Variants in ALCAM observed in about 807,000 individuals in gnomAD.
The protein encoded by ALCAM is activated leukocyte cell adhesion molecule.
A neutral mutation model predicts 70.9 loss-of-function variants in ALCAM; 30 were observed. The ratio of observed to expected loss-of-function variants is 0.42; its 90% CI spans 0.32 to 0.57. The LOEUF (loss-of-function observed/expected upper bound fraction) is 0.57, where lower values mean the gene tolerates loss of function less well. ALCAM is among the 20% of genes least tolerant of loss of function. The pLI, the probability that ALCAM is intolerant of heterozygous loss-of-function variation, is 0.11. For missense variants in ALCAM, 591 were observed against 695.1 expected, an observed-to-expected ratio of 0.85 and a Z score of 1.68; for synonymous variants, 249 against 242.5, an observed-to-expected ratio of 1.03 and a Z score of -0.25.
chr3:105,476,873 T>G (rs1938129779), intron 1 of ALCAM, among the ~76,000 whole-genome samples: 1 of 152,066 alleles, frequency 6.6e-6, no homozygotes, highest in South Asian at 2.1e-4. Context: ...CTCCCAGAAT[T>G]TCCATGTGTT....
chr3:105,510,646 T>A (rs1939212346), intron 1 of ALCAM, among the ~76,000 whole-genome samples: 1 of 152,066 alleles, frequency 6.6e-6, no homozygotes, highest in Non-Finnish European at 1.5e-5. Context: ...AGCAGGCACA[T>A]TCCCAGAAGA....
In ALCAM at chr3:105,367,363, C is replaced by G. The variant is rs763384972; in HGVS notation, c.-46C>G. On this transcript the variant is annotated 5_prime_UTR_variant, in exon 1 of 16. Transcript: ENST00000306107. Reference sequence around the variant, plus strand: ...GCGGGGCCCGGGACGACGCCCCCTCCTGCGGCGTGGACTCCGTCAGTGGCC... The same window carrying G: ...GCGGGGCCCGGGACGACGCCCCCTCGTGCGGCGTGGACTCCGTCAGTGGCC... The G allele has an allele frequency of 2.5e-6, 4 of 1,605,924 alleles. No homozygotes were observed. In the Admixed American group the frequency reaches 6.7e-5, roughly 27 times the overall value.
At chr3:105,502,854 T>TC in intron 1 of ALCAM, among the ~76,000 whole-genome samples, 1 of 152,324 alleles carries the variant, frequency 6.6e-6, no homozygotes, top group Admixed American at 6.5e-5. Context: ...TTACATGAGG[T>TC]CCTTGATCTA....
chr3:105,484,780 CAT>C (rs1455178684), intron 1 of ALCAM, among the ~76,000 whole-genome samples: 4 of 152,056 alleles, frequency 2.6e-5, no homozygotes. Flanking sequence ...TCAATGGAAA[CAT>C]GTGGAATAAA....
chr3:105,368,029 G>T (rs142251949), intron 1 of ALCAM, among the ~76,000 whole-genome samples: 2 of 151,628 alleles, frequency 1.3e-5, no homozygotes, highest in African/African-American at 4.9e-5. Flanking sequence ...GCTTAAAATC[G>T]TGGTTTCAAC....
intron 2 of ALCAM, among the ~76,000 whole-genome samples, chr3:105,522,707 T>G (rs1939575691): frequency 6.6e-6 from 1 of 152,206 alleles, no homozygotes; most frequent in Non-Finnish European, 1.5e-5. Flanking sequence ...AAATTTTTGC[T>G]CTGCTAAGAT....
chr3:105,462,976 A>G (rs1176400765), intron 1 of ALCAM, among the ~76,000 whole-genome samples: 3 of 151,452 alleles, frequency 2.0e-5, no homozygotes, highest in African/African-American at 7.3e-5. Flanking sequence ...TCCATATCAT[A>G]AGAAAAATAA....
chr3:105,415,838 A>G (rs368216343), intron 1 of ALCAM, among the ~76,000 whole-genome samples: 140 of 152,218 alleles, frequency 9.2e-4, no homozygotes, highest in African/African-American at 3.3e-3. Flanking sequence ...CTTTGCTGTC[A>G]TGCTATATGT....
chr3:105,555,947 A>G (rs1025946097), intron 14 of ALCAM, among the ~76,000 whole-genome samples: 33 of 151,854 alleles, frequency 2.2e-4, no homozygotes, highest in Admixed American at 1.3e-4. Context: ...ATTTTTTTCC[A>G]TGTATGTAGG....
chr3:105,504,582 C>G (rs1939015003), intron 1 of ALCAM, among the ~76,000 whole-genome samples: 1 of 152,182 alleles, frequency 6.6e-6, no homozygotes, highest in Non-Finnish European at 1.5e-5. Flanking sequence ...CACGGCCTGC[C>G]GGCCTGCTGG....
chr3:105,413,162 T>C (rs1936429299), intron 1 of ALCAM, among the ~76,000 whole-genome samples: 1 of 152,114 alleles, frequency 6.6e-6, no homozygotes, highest in Admixed American at 6.6e-5. Flanking sequence ...TTTCTTCGAC[T>C]GTAAAATGTG....
At chr3:105,416,497 A>G (rs1363515975) in intron 1 of ALCAM, among the ~76,000 whole-genome samples, 1 of 152,042 alleles carries the variant, frequency 6.6e-6, no homozygotes, top group Non-Finnish European at 1.5e-5. Context: ...TACATATAAT[A>G]TACTTAGCTC....
At chr3:105,497,581 T>C (rs773672667) in intron 1 of ALCAM, among the ~76,000 whole-genome samples, 1 of 152,144 alleles carries the variant, frequency 6.6e-6, no homozygotes, top group Non-Finnish European at 1.5e-5. Flanking sequence ...CCCATCATGG[T>C]TTTGTGGTGA....
At chr3:105,383,714 G>A (rs1368218766) in intron 1 of ALCAM, among the ~76,000 whole-genome samples, 1 of 151,660 alleles carries the variant, frequency 6.6e-6, no homozygotes, top group African/African-American at 2.4e-5. Context: ...TACTCTTCTT[G>A]AGTTTCCATA....
At chr3:105,448,280 A>G (rs1937342696) in intron 1 of ALCAM, among the ~76,000 whole-genome samples, 1 of 152,148 alleles carries the variant, frequency 6.6e-6, no homozygotes, top group Non-Finnish European at 1.5e-5. Context: ...CCTAAAGAAT[A>G]TCAGTCACTA....
At chr3:105,489,769 A>G (rs1361956784) in intron 1 of ALCAM, among the ~76,000 whole-genome samples, 1 of 152,226 alleles carries the variant, frequency 6.6e-6, no homozygotes, top group African/African-American at 2.4e-5. Flanking sequence ...TTTAGGCATA[A>G]TTCAATATAT....
chr3:105,390,570 G>A (rs1935791768), intron 1 of ALCAM, among the ~76,000 whole-genome samples: 1 of 151,924 alleles, frequency 6.6e-6, no homozygotes, highest in South Asian at 2.1e-4. Flanking sequence ...TCTGATAATA[G>A]TTTCTTTGCT....
chr3:105,373,456 T>C (rs1935293184), intron 1 of ALCAM, among the ~76,000 whole-genome samples: 1 of 152,168 alleles, frequency 6.6e-6, no homozygotes, highest in African/African-American at 2.4e-5. Flanking sequence ...TTGATATAAG[T>C]AGATTTTTAT....
At chr3:105,542,368 G>C (rs2152629529) in intron 8 of ALCAM, among the ~76,000 whole-genome samples, 1 of 151,766 alleles carries the variant, frequency 6.6e-6, no homozygotes, top group Non-Finnish European at 1.5e-5. Context: ...AATTATATTT[G>C]CCTCGGTGTA....
Sources: allele counts gnomAD v4.1 joint callset (sites outside exome capture counted in the v4.1 genomes callset), GRCh38; gene constraint gnomAD v4.1.1; transcripts MANE v1.5; gene names NCBI Gene and HGNC (gene_info 2026-07-23, HGNC 2026-07-21).